LMLN: variants seen among roughly 807,000 people sequenced by gnomAD.
The protein encoded by LMLN is leishmanolysin like peptidase.
A neutral mutation model predicts 92.3 loss-of-function variants in LMLN; 70 were observed. That is an observed-to-expected ratio of 0.76 (90% CI 0.63 to 0.92). The LOEUF (loss-of-function observed/expected upper bound fraction) is 0.92. Among genes scored for constraint, LMLN ranks in the 40% least tolerant of loss-of-function variants. The pLI, the probability that LMLN is intolerant of heterozygous loss-of-function variation, is 0.00. For synonymous variants in LMLN, 308 were observed against 296.2 expected (o/e 1.04, Z -0.41); for missense variants, 691 against 814.6 (o/e 0.85, Z 1.85).
At chr3:197,980,287 G>C in intron 5 of LMLN, 39 bp from the exon 6 acceptor site, 3 of 1,570,632 alleles carry the variant, frequency 1.9e-6, no homozygotes. Flanking sequence ...AGCTAACTTT[G>C]TCTCTGTTCT....
chr3:197,976,107 A>T, exon 4 of LMLN: 1 of 1,590,448 alleles, frequency 6.3e-7, no homozygotes, highest in Non-Finnish European at 8.6e-7. Flanking sequence ...TATCTTACTT[A>T]GCAGGTATGT....
chr3:198,036,196 C>T (rs896868910), intron 15 of LMLN, among the ~76,000 whole-genome samples, 153 bp downstream of exon 16: 2 of 152,164 alleles, frequency 1.3e-5, no homozygotes, highest in African/African-American at 4.8e-5. Flanking sequence ...TCCTTCCCAC[C>T]ATTATCGGAA....
chr3:198,014,810 G>C (rs1203584081), intron 11 of LMLN, among the ~76,000 whole-genome samples: 150 of 55,166 alleles, frequency 2.7e-3, no homozygotes, highest in Admixed American at 7.6e-3. Flanking sequence ...TTCAGAGCCC[G>C]CTAACTAGTC....
At chr3:197,980,305 T>G (rs1248299886) in intron 5 of LMLN, 21 bp from the exon 6 acceptor site, 1 of 1,599,710 alleles carries the variant, frequency 6.3e-7, no homozygotes, top group East Asian at 2.2e-5. Context: ...TCTGGCTTTC[T>G]GATGTCTCCC....
At chr3:197,993,857 CTG>C (rs1209426325) in intron 9 of LMLN, among the ~76,000 whole-genome samples, 1 of 152,136 alleles carries the variant, frequency 6.6e-6, no homozygotes, top group Non-Finnish European at 1.5e-5. Flanking sequence ...GTATTTCAAA[CTG>C]TACTGCAAAA....
intron 11 of LMLN, among the ~76,000 whole-genome samples, chr3:198,010,757 T>G (rs1335000331): frequency 6.6e-6 from 1 of 152,216 alleles, no homozygotes; most frequent in South Asian, 2.1e-4. Context: ...GGCCTATTTT[T>G]CTCTTCTTAA....
intron 12 of LMLN, among the ~76,000 whole-genome samples, chr3:198,020,435 A>G (rs984708926): frequency 6.6e-6 from 1 of 152,230 alleles, no homozygotes; most frequent in Non-Finnish European, 1.5e-5. Flanking sequence ...TAAGCTTCCT[A>G]CACATATTTG....
chr3:197,976,645 GGTACT>G lies in LMLN; in HGVS notation c.481_485del (p.Tyr161HisfsTer17), dbSNP rs1366039507. 1.2e-6 allele frequency: 2 copies of G among 1,601,162 alleles called. No homozygotes were observed. The highest frequency in any genetic ancestry group is 2.7e-5 in the African/African-American group (2 of 74,514). ...CTCCGGAAGGAAAACGATCCTCACA[GGTACT>G]GCACCGGGGAGTGTGCCGCACACAC... On this transcript the variant is annotated frameshift_variant, in exon 5 of 16. Transcript: ENST00000330198. LOFTEE classifies it high-confidence loss of function.
At chr3:198,032,546 A>G (rs898104551) in intron 14 of LMLN, among the ~76,000 whole-genome samples, 5 of 152,246 alleles carry the variant, frequency 3.3e-5, no homozygotes, top group African/African-American at 1.2e-4. Context: ...TGCAGACTAC[A>G]GGAAGCATAA....
intron 10 of LMLN, among the ~76,000 whole-genome samples, chr3:197,997,700 A>G (rs1484250394): frequency 1.3e-5 from 2 of 152,204 alleles, no homozygotes; most frequent in Admixed American, 6.5e-5. Context: ...GGAAAAATCA[A>G]TGAACCAACG....
intron 9 of LMLN, among the ~76,000 whole-genome samples, chr3:197,992,755 G>A (rs1223027081): frequency 6.6e-6 from 1 of 151,878 alleles, no homozygotes; most frequent in African/African-American, 2.4e-5. Context: ...AAAAATTGAA[G>A]AGGAGGGATT....
chr3:197,968,393 T>A (rs1721122060), intron 1 of LMLN, among the ~76,000 whole-genome samples: 1 of 151,822 alleles, frequency 6.6e-6, no homozygotes, highest in African/African-American at 2.4e-5. Context: ...TGGTGTGAGC[T>A]TGCAGTGAGC....
intron 11 of LMLN, among the ~76,000 whole-genome samples, chr3:198,010,067 T>C (rs1481657014): frequency 2.0e-5 from 3 of 152,186 alleles, no homozygotes; most frequent in Non-Finnish European, 4.4e-5. Flanking sequence ...ATGTCTTCTA[T>C]TGTTTTTTTG....
At chr3:198,008,410 A>G (rs1034994218) in intron 11 of LMLN, among the ~76,000 whole-genome samples, 2 of 152,198 alleles carry the variant, frequency 1.3e-5, no homozygotes, top group African/African-American at 4.8e-5. Context: ...CTCCTGTCAT[A>G]CTTAATATTG....
At chr3:198,035,905 G>A in exon 15 of LMLN, 1 of 1,614,020 alleles carries the variant, frequency 6.2e-7, no homozygotes, top group East Asian at 2.2e-5. Context: ...GGCTGGGCAG[G>A]TCCTCCCTGT....
intron 9 of LMLN, among the ~76,000 whole-genome samples, chr3:197,995,644 C>CT (rs569819245): frequency 0.011 from 1,580 of 150,246 alleles, 25 homozygotes; most frequent in Non-Finnish European, 0.015. Context: ...CTTTTTTTTT[C>CT]TTTTTTTTTG....
chr3:198,034,959 C>T (rs1214813180), intron 14 of LMLN, among the ~76,000 whole-genome samples: 1 of 152,120 alleles, frequency 6.6e-6, no homozygotes, highest in South Asian at 2.1e-4. Context: ...CTTTGGGAGG[C>T]CAGGGTGGGT....
intron 11 of LMLN, among the ~76,000 whole-genome samples, chr3:198,012,817 T>G (rs532823677): frequency 6.7e-6 from 1 of 148,580 alleles, no homozygotes; most frequent in East Asian, 2.0e-4. Flanking sequence ...GCCCCCTAAC[T>G]AGTCTGACTT....
exon 5 of LMLN, chr3:197,976,688 C>A: frequency 6.4e-7 from 1 of 1,555,502 alleles, no homozygotes; most frequent in South Asian, 1.2e-5. Context: ...AGTGCGGCCC[C>A]GTTATTGTTC....
Sources: allele counts gnomAD v4.1 joint callset (sites outside exome capture counted in the v4.1 genomes callset), GRCh38; gene constraint gnomAD v4.1.1; transcripts MANE v1.5; gene names NCBI Gene and HGNC (gene_info 2026-07-23, HGNC 2026-07-21).